TENM4: variants seen among roughly 807,000 people sequenced by gnomAD.
The protein encoded by TENM4 is teneurin transmembrane protein 4.
A neutral mutation model predicts 243.3 loss-of-function variants in TENM4; 82 were observed. The observed-to-expected ratio is 0.34, with a 90% CI of 0.28 to 0.40. TENM4 has a LOEUF of 0.40. Ranked by LOEUF, TENM4 falls within the 10% of genes least tolerant of loss-of-function variation. The pLI is 1.00. For synonymous variants in TENM4, 1,412 were observed against 1,456.3 expected (o/e 0.97, Z 0.69); for missense variants, 3,138 against 3,673.3 (o/e 0.85, Z 3.77).
At position 78,685,763 on chromosome 11, in the gene TENM4, A is replaced by G. The variant is rs575455341; in HGVS notation, c.5260+2291T>C. Among the ~76,000 whole-genome samples the G allele has an allele frequency of 1.3e-4, 20 of 152,328 alleles. 1 individual carries two copies. The highest frequency in any genetic ancestry group is 4.8e-4 in the African/African-American group (20 of 41,578). On this transcript the variant is annotated intron_variant, in intron 29 of 33. Transcript: ENST00000278550. ...ACAGGCCTGAAGGACAAGATGTCTG[A>G]GTAATTGGTGGTCCTGCAGTCCTTG...
chr11:78,882,829 T>C (rs1855460218), intron 9 of TENM4, among the ~76,000 whole-genome samples: 1 of 152,262 alleles, frequency 6.6e-6, no homozygotes, highest in Admixed American at 6.5e-5. Context: ...ACATTCTCAG[T>C]TATAAATTAA....
At chr11:79,157,966 G>A (rs963948705) in intron 3 of TENM4, among the ~76,000 whole-genome samples, 1 of 152,140 alleles carries the variant, frequency 6.6e-6, no homozygotes, top group African/African-American at 2.4e-5. Flanking sequence ...TCTGGTGAGA[G>A]GGCAGAATCG....
intron 1 of TENM4, among the ~76,000 whole-genome samples, chr11:79,433,218 C>T (rs1404831699): frequency 1.3e-5 from 2 of 152,192 alleles, no homozygotes; most frequent in South Asian, 2.1e-4. Flanking sequence ...CATGTGTGGA[C>T]AATGGACCAG....
At chr11:79,361,801 A>T (rs1365990391) in intron 1 of TENM4, among the ~76,000 whole-genome samples, 3 of 152,208 alleles carry the variant, frequency 2.0e-5, no homozygotes, top group African/African-American at 7.2e-5. Flanking sequence ...TATCTGTGGG[A>T]TTTCAAATAT....
chr11:79,382,181 T>A (rs1160549953), intron 1 of TENM4, among the ~76,000 whole-genome samples: 1 of 152,126 alleles, frequency 6.6e-6, no homozygotes, highest in Non-Finnish European at 1.5e-5. Context: ...AAGATTCAAA[T>A]GTAACTCGTC....
intron 2 of TENM4, among the ~76,000 whole-genome samples, chr11:79,231,363 A>G (rs1360248347): frequency 6.6e-6 from 1 of 151,916 alleles, no homozygotes; most frequent in Non-Finnish European, 1.5e-5. Context: ...AAAATAAAAT[A>G]CCATTACACC....
intron 1 of TENM4, among the ~76,000 whole-genome samples, chr11:79,426,998 T>G (rs1485640003): frequency 6.6e-6 from 1 of 152,170 alleles, no homozygotes; most frequent in Non-Finnish European, 1.5e-5. Flanking sequence ...TCTACCCCTG[T>G]GTGATGCAGT....
rs1435579767 is a variant in TENM4 at position 78,737,242 on chromosome 11, G to A, written c.2876+1209C>T. On this transcript the variant is annotated intron_variant, in intron 20 of 33. Coordinates refer to ENST00000278550, the MANE Select transcript of TENM4 (RefSeq NM_001098816.3). ...CAGCATCCTTCATGCTGTAGTGGGA[G>A]TCTTCATGAGGGCCTTCCTGGGTGG... Among the ~76,000 whole-genome samples the A allele has an allele frequency of 1.8e-4, 28 of 152,252 alleles. 1 individual carries two copies. The highest frequency in any genetic ancestry group is 1.5e-5 in the Non-Finnish European group (1 of 68,036).
At chr11:79,275,644 G>A (rs538563829) in intron 2 of TENM4, among the ~76,000 whole-genome samples, 1 of 152,182 alleles carries the variant, frequency 6.6e-6, no homozygotes, top group South Asian at 2.1e-4. Context: ...AGAAAATGCA[G>A]CCCAGTAACC....
chr11:79,142,939 T>G (rs1224266987), intron 4 of TENM4, among the ~76,000 whole-genome samples: 1 of 152,052 alleles, frequency 6.6e-6, no homozygotes, highest in Non-Finnish European at 1.5e-5. Context: ...TCATCATCAC[T>G]GGCCATCAGA....
At chr11:78,769,121 T>C (rs541518582) in intron 18 of TENM4, among the ~76,000 whole-genome samples, 1 of 152,346 alleles carries the variant, frequency 6.6e-6, no homozygotes, top group African/African-American at 2.4e-5. Flanking sequence ...ATGGTGGCTC[T>C]TCTCTTCTTT....
At chr11:78,772,368 C>T (rs540369639) in intron 17 of TENM4, among the ~76,000 whole-genome samples, 18 of 152,240 alleles carry the variant, frequency 1.2e-4, no homozygotes. Context: ...CCCCCTTCTC[C>T]AAGGGGCTAT....
At chr11:78,926,974 A>T (rs1256041152) in intron 6 of TENM4, among the ~76,000 whole-genome samples, 2 of 152,238 alleles carry the variant, frequency 1.3e-5, no homozygotes, top group African/African-American at 4.8e-5. Context: ...GTTGCTTGTT[A>T]TAAAGCATTA....
chr11:78,903,023 G>A (rs763728319), intron 7 of TENM4, among the ~76,000 whole-genome samples: 1 of 152,208 alleles, frequency 6.6e-6, no homozygotes, highest in Non-Finnish European at 1.5e-5. Flanking sequence ...GGTGCGGGGG[G>A]TGTCTAGCAA....
At chr11:78,949,046 C>G (rs1013333001) in intron 6 of TENM4, among the ~76,000 whole-genome samples, 4 of 152,182 alleles carry the variant, frequency 2.6e-5, no homozygotes, top group African/African-American at 9.7e-5. Flanking sequence ...TAAAGTAACT[C>G]TTTTCCCTTT....
chr11:79,309,287 A>T (rs1349485846), intron 1 of TENM4, among the ~76,000 whole-genome samples: 1 of 152,240 alleles, frequency 6.6e-6, no homozygotes, highest in Non-Finnish European at 1.5e-5. Flanking sequence ...GTTTACAGGT[A>T]GGCGAATTTC....
At position 78,656,895 on chromosome 11, in the gene TENM4, G is replaced by A; in HGVS notation, c.*1163C>T. ...TGGGAACTGGTTAGAAGGATGCTTA[G>A]CTTATGCCTTCCTCTCTTTGGCTGG... On this transcript the variant is annotated 3_prime_UTR_variant, in exon 34 of 34. Coordinates refer to ENST00000278550, the MANE Select transcript of TENM4 (RefSeq NM_001098816.3). The A allele has an allele frequency of 2.5e-6, 1 of 397,450 alleles. No homozygotes were observed. The highest frequency in any genetic ancestry group is 4.4e-6 in the Non-Finnish European group (1 of 225,852). 24.6% of individuals were successfully genotyped at this position (397,450 alleles called of 1,614,324 possible).
At chr11:79,155,716 C>T (rs1276948130) in intron 3 of TENM4, among the ~76,000 whole-genome samples, 2 of 143,080 alleles carry the variant, frequency 1.4e-5, no homozygotes, top group East Asian at 4.5e-4. Flanking sequence ...TCCTTTCCTC[C>T]CTCCCTCCCT....
At chr11:78,910,108 G>C (rs1434336481) in intron 6 of TENM4, among the ~76,000 whole-genome samples, 2 of 152,136 alleles carry the variant, frequency 1.3e-5, no homozygotes, top group Non-Finnish European at 2.9e-5. Flanking sequence ...CTCAGGCAAG[G>C]AACTCAATCA....
Sources: gnomAD v4.1 joint callset for allele counts (sites outside exome capture counted in the v4.1 genomes callset) on GRCh38, gnomAD v4.1.1 for gene constraint, MANE v1.5 for transcripts, NCBI Gene and HGNC (gene_info 2026-07-23, HGNC 2026-07-21) for gene names.